The following SLC16A2 variants were observed in gnomAD, a reference collection of about 807,000 sequenced individuals.
SLC16A2 encodes the protein monocarboxylate transporter 8.
In SLC16A2, 3 loss-of-function variants were observed where a neutral mutation model predicts 27.2. That is an observed-to-expected ratio of 0.11 (90% CI 0.05 to 0.28). The LOEUF (loss-of-function observed/expected upper bound fraction) is 0.28, where lower values mean the gene tolerates loss of function less well. Among genes scored for constraint, SLC16A2 ranks in the 10% least tolerant of loss-of-function variants. The pLI, the probability that SLC16A2 is intolerant of heterozygous loss-of-function variation, is 1.00. For synonymous variants in SLC16A2, 202 were observed against 187.8 expected (o/e 1.08, Z -0.62); for missense variants, 295 against 458.5 (o/e 0.64, Z 3.26).
intron 1 of SLC16A2, among the ~76,000 whole-genome samples, chrX:74,448,669 C>T (rs764412751): frequency 9.0e-6 from 1 of 110,733 alleles, no homozygotes; most frequent in Non-Finnish European, 1.9e-5. Flanking sequence ...TTGGTGTCCC[C>T]CTTCCTTCAA....
chrX:74,506,435 G>A (rs1485144982), intron 1 of SLC16A2, among the ~76,000 whole-genome samples: 1 of 111,581 alleles, frequency 9.0e-6, no homozygotes, highest in African/African-American at 3.3e-5. Context: ...GAAGGGGACT[G>A]TAAAAACCTC....
chrX:74,473,836 C>T lies in SLC16A2; in HGVS notation c.431-47154C>T, dbSNP rs778884797. Reference sequence around the variant, plus strand: ...TTACCACACAGTCTGTGAGCATTCCCCATTGTTTAAAATGACTCAACCATT... The same window carrying T: ...TTACCACACAGTCTGTGAGCATTCCTCATTGTTTAAAATGACTCAACCATT... On this transcript the variant is annotated intron_variant, in intron 1 of 5. Transcript: ENST00000587091. 9.7e-6 allele frequency: 5 copies of T among 516,448 alleles called. No homozygotes were observed. The East Asian group carries it at 1.4e-4, about 14-fold the overall frequency. 42.6% of individuals were successfully genotyped at this position (516,448 alleles called of 1,213,427 possible).
intron 1 of SLC16A2, among the ~76,000 whole-genome samples, chrX:74,439,220 T>C (rs1291344809): frequency 2.2e-5 from 2 of 90,777 alleles, no homozygotes; most frequent in Non-Finnish European, 4.1e-5. Flanking sequence ...CTTCCTTCCT[T>C]TCTCTCTCTC....
Position 74,524,827 on chromosome X carries a change from G to T in SLC16A2, c.1026+18G>T. On this transcript the variant is annotated intron_variant, in intron 3 of 5. Coordinates refer to ENST00000587091, the MANE Select transcript of SLC16A2 (RefSeq NM_006517.5). ...TACACCTGGTGAGGAATACCAGAGT[G>T]GGCCCACCCCACCTGGCCCCAAGAA... 8.4e-7 allele frequency: 1 copy of T among 1,186,645 alleles called. No homozygotes were observed. Among genetic ancestry groups the T allele is most frequent in the Non-Finnish European group, 1.1e-6 (1 of 877,879 alleles).
At chrX:74,501,528 TA>T (rs1930034748) in intron 1 of SLC16A2, among the ~76,000 whole-genome samples, 2 of 111,358 alleles carry the variant, frequency 1.8e-5, no homozygotes, top group African/African-American at 3.3e-5. Context: ...GGTGCAACTA[TA>T]ACCCTGGAGC....
At chrX:74,522,729 C>T (rs1431665473) in intron 2 of SLC16A2, among the ~76,000 whole-genome samples, 1 of 112,209 alleles carries the variant, frequency 8.9e-6, no homozygotes, top group Admixed American at 9.4e-5. Context: ...ACTGTAGGCA[C>T]ATTGGAGTAG....
At chrX:74,476,048 T>A (rs974370040) in intron 1 of SLC16A2, among the ~76,000 whole-genome samples, 7 of 111,378 alleles carry the variant, frequency 6.3e-5, no homozygotes, top group African/African-American at 2.3e-4. Flanking sequence ...GGGGATGGCA[T>A]TGAATCTATA....
chrX:74,476,286 A>G (rs1329326385), intron 1 of SLC16A2, among the ~76,000 whole-genome samples: 3 of 111,241 alleles, frequency 2.7e-5, no homozygotes, highest in African/African-American at 6.5e-5. Flanking sequence ...TCTGTCTGTT[A>G]TTGGTGTATA....
intron 5 of SLC16A2, among the ~76,000 whole-genome samples, chrX:74,530,690 G>A (rs1019113551): frequency 9.0e-6 from 1 of 111,090 alleles, no homozygotes; most frequent in Non-Finnish European, 1.9e-5. Context: ...AAGGCCAAGG[G>A]CCTTTTTGCC....
At position 74,483,761 on chromosome X, in the gene SLC16A2, G is replaced by C. The variant is rs150468223; in HGVS notation, c.431-37229G>C. ...TGGTAGCTATGGATTTTCTCAACTT[G>C]TTTTTTTCTAGCATTGAACATGCAC... On this transcript the variant is annotated intron_variant, in intron 1 of 5. Coordinates refer to ENST00000587091, the MANE Select transcript of SLC16A2 (RefSeq NM_006517.5). Among the ~76,000 whole-genome samples the C allele has an allele frequency of 4.3e-3, 477 of 111,091 alleles. 1 individual carries two copies. Among genetic ancestry groups the C allele is most frequent in the African/African-American group, 0.015 (460 of 30,563 alleles).
chrX:74,434,402 C>T (rs1308666744), intron 1 of SLC16A2, among the ~76,000 whole-genome samples: 1 of 111,704 alleles, frequency 9.0e-6, no homozygotes, highest in East Asian at 2.8e-4. Flanking sequence ...GACAGTTGGG[C>T]TGTTGCTTGG....
At chrX:74,526,508 C>A (rs1398378230) in intron 4 of SLC16A2, among the ~76,000 whole-genome samples, 2 of 112,224 alleles carry the variant, frequency 1.8e-5, no homozygotes, top group Non-Finnish European at 3.8e-5. Flanking sequence ...CCTAAGTACC[C>A]TCAAATATCT....
At chrX:74,530,601 G>A (rs1930553192) in intron 5 of SLC16A2, among the ~76,000 whole-genome samples, 1 of 111,896 alleles carries the variant, frequency 8.9e-6, no homozygotes, top group South Asian at 3.7e-4. Context: ...GGGGAAGGGG[G>A]CCTCTACTCA....
chrX:74,437,954 C>G (rs1354026690), intron 1 of SLC16A2, among the ~76,000 whole-genome samples: 1 of 112,054 alleles, frequency 8.9e-6, no homozygotes, highest in African/African-American at 3.2e-5. Context: ...CGTAAGACCA[C>G]CCAACCTAAA....
Position 74,492,833 on chromosome X carries a change from A to T in SLC16A2, c.431-28157A>T, listed in dbSNP as rs751637534. 4.5e-5 allele frequency among the ~76,000 whole-genome samples: 5 copies of T among 111,191 alleles called. No homozygotes were observed. The East Asian group carries it at 1.1e-3, about 25-fold the overall frequency. On this transcript the variant is annotated intron_variant, in intron 1 of 5. Transcript: ENST00000587091. ...TTTCCCTCCCCCTTTTAGAGAGCTC[A>T]GGAAATTGGTTTTAATCCACCAAGC...
intron 5 of SLC16A2, among the ~76,000 whole-genome samples, chrX:74,530,418 A>G (rs1930551022): frequency 8.9e-6 from 1 of 112,113 alleles, no homozygotes; most frequent in Admixed American, 9.4e-5. Flanking sequence ...TCTTTTCTGT[A>G]GGATTTATTG....
In SLC16A2 at chrX:74,421,736, T is replaced by TGAGCCG; in HGVS notation, c.105_110dup (p.Glu42_Pro43dup). ...CGGTGGGTAGCCCAGAGCCGGAGTCTGAGCCGGAGCCTGAGCCCGAGCCCG... is the reference window on the plus strand; with the variant it reads ...CGGTGGGTAGCCCAGAGCCGGAGTCTGAGCCGGAGCCGGAGCCTGAGCCCGAGCCCG... On this transcript the variant is annotated inframe_insertion, in exon 1 of 6. Coordinates refer to ENST00000587091, the MANE Select transcript of SLC16A2 (RefSeq NM_006517.5). 1 of 1,160,766 alleles carries TGAGCCG rather than the reference T, an allele frequency of 8.6e-7. No homozygotes were observed. The highest frequency in any genetic ancestry group is 1.8e-5 in the African/African-American group (1 of 56,520).
intron 1 of SLC16A2, among the ~76,000 whole-genome samples, chrX:74,469,747 C>A (rs887330336): frequency 2.7e-5 from 3 of 110,855 alleles, no homozygotes; most frequent in Non-Finnish European, 5.7e-5. Flanking sequence ...CCCCCTACCC[C>A]CCAGCATGCA....
intron 1 of SLC16A2, among the ~76,000 whole-genome samples, chrX:74,446,821 A>C (rs1928845900): frequency 8.9e-6 from 1 of 112,304 alleles, no homozygotes; most frequent in African/African-American, 3.2e-5. Flanking sequence ...TCAATAATTT[A>C]AGCTTACCTA....
Sources: allele counts gnomAD v4.1 joint callset (sites outside exome capture counted in the v4.1 genomes callset), GRCh38; gene constraint gnomAD v4.1.1; transcripts MANE v1.5; gene names NCBI Gene and HGNC (gene_info 2026-07-23, HGNC 2026-07-21).